The following PDE1C variants were observed in gnomAD, a reference collection of about 807,000 sequenced individuals.
PDE1C encodes phosphodiesterase 1C, also known as dual specificity calcium/calmodulin-dependent 3',5'-cyclic nucleotide phosphodiesterase 1C.
A neutral mutation model predicts 93.1 loss-of-function variants in PDE1C; 62 were observed. The ratio of observed to expected loss-of-function variants is 0.67; its 90% CI spans 0.54 to 0.82. PDE1C has a LOEUF of 0.82. Ranked by LOEUF, PDE1C falls within the 40% of genes least tolerant of loss-of-function variation. The probability of loss-of-function intolerance (pLI) is 0.00; values close to 1 mark genes in which losing one functional copy is unlikely to be tolerated. For synonymous variants in PDE1C, 325 were observed against 310.1 expected (o/e 1.05, Z -0.50); for missense variants, 742 against 884.6 (o/e 0.84, Z 2.04).
chr7:31,843,106 A>G (rs1273162728), intron 9 of PDE1C, among the ~76,000 whole-genome samples: 1 of 151,958 alleles, frequency 6.6e-6, no homozygotes, highest in East Asian at 1.9e-4. Flanking sequence ...TAAGCTTATG[A>G]TATTTTAAAA....
intron 2 of PDE1C, among the ~76,000 whole-genome samples, chr7:32,000,313 C>T (rs949458093): frequency 6.6e-6 from 1 of 152,056 alleles, no homozygotes; most frequent in Non-Finnish European, 1.5e-5. Flanking sequence ...TGGCATCTGG[C>T]GCATAGTGAG....
At chr7:32,122,571 C>G (rs947124827) in intron 3 of PDE1C, among the ~76,000 whole-genome samples, 1 of 152,094 alleles carries the variant, frequency 6.6e-6, no homozygotes, top group African/African-American at 2.4e-5. Flanking sequence ...TACTCAAAAC[C>G]ACACAATTAC....
intron 16 of PDE1C, among the ~76,000 whole-genome samples, chr7:31,808,815 T>G (rs1465831864): frequency 6.6e-6 from 1 of 151,788 alleles, no homozygotes; most frequent in African/African-American, 2.4e-5. Context: ...TAGAAAACAT[T>G]TGTGATGGAG....
chr7:32,131,965 C>T lies in PDE1C; in HGVS notation c.308+37820G>A, dbSNP rs551922606. Reference sequence around the variant, plus strand: ...CACTAGTAGTAGTAGTAGTAATGTGCAATGGCAAAAAGAAGGAAATGATTT... The same window carrying T: ...CACTAGTAGTAGTAGTAGTAATGTGTAATGGCAAAAAGAAGGAAATGATTT... On this transcript the variant is annotated intron_variant, in intron 3 of 18. Transcript: ENST00000396193. 8.9e-4 allele frequency among the ~76,000 whole-genome samples: 136 copies of T among 152,066 alleles called. 1 individual carries two copies. The highest frequency in any genetic ancestry group is 3.2e-3 in the African/African-American group (132 of 41,482).
At chr7:32,061,562 C>T (rs17160849) in intron 1 of PDE1C, among the ~76,000 whole-genome samples, 5,681 of 152,322 alleles carry the variant, frequency 0.037, 124 homozygotes, top group Middle Eastern at 0.085. Flanking sequence ...CTGCAGTGGG[C>T]TAGGCTCCAG....
intron 2 of PDE1C, among the ~76,000 whole-genome samples, chr7:31,900,306 T>G (rs1390725243): frequency 6.6e-6 from 1 of 152,124 alleles, no homozygotes; most frequent in Non-Finnish European, 1.5e-5. Flanking sequence ...AATTATTTTA[T>G]CAAATGCTTA....
chr7:31,854,595 G>T (rs1339984793), intron 7 of PDE1C, among the ~76,000 whole-genome samples: 2 of 152,198 alleles, frequency 1.3e-5, no homozygotes, highest in Admixed American at 6.5e-5. Flanking sequence ...GGCAGATGAG[G>T]AGACATGGGG....
the PDE1C span, among the ~76,000 whole-genome samples, chr7:31,644,306 A>G: frequency 3.9e-5 from 6 of 152,110 alleles, no homozygotes; most frequent in Non-Finnish European, 5.9e-5. Context: ...CTGTGTCTTA[A>G]ATTCGTTTAG....
At chr7:31,782,506 G>T (rs1487895714) in intron 16 of PDE1C, among the ~76,000 whole-genome samples, 1 of 152,206 alleles carries the variant, frequency 6.6e-6, no homozygotes, top group Non-Finnish European at 1.5e-5. Context: ...AAACATCACA[G>T]TCGCCTTCAT....
intron 8 of PDE1C, among the ~76,000 whole-genome samples, chr7:31,848,456 TATTTTA>T (rs1340344787): frequency 6.6e-6 from 1 of 152,166 alleles, no homozygotes; most frequent in Non-Finnish European, 1.5e-5. Flanking sequence ...TTTTTATTTT[TATTTTA>T]TTCAATGAAT....
chr7:32,244,417 G>T (rs1203522437), intron 1 of PDE1C, among the ~76,000 whole-genome samples: 1 of 152,298 alleles, frequency 6.6e-6, no homozygotes, highest in East Asian at 1.9e-4. Context: ...AGAACCAACT[G>T]CCCTGACCTA....
chr7:31,683,871 A>C, the PDE1C span, among the ~76,000 whole-genome samples: 1 of 152,204 alleles, frequency 6.6e-6, no homozygotes, highest in African/African-American at 2.4e-5. Context: ...GATTAAAGTG[A>C]AATATATTCA....
At chr7:32,264,711 T>G (rs1562631751) in intron 1 of PDE1C, among the ~76,000 whole-genome samples, 1 of 152,236 alleles carries the variant, frequency 6.6e-6, no homozygotes, top group African/African-American at 2.4e-5. Context: ...CTGGATTCGG[T>G]GCCCACATTG....
chr7:31,658,307 T>C, the PDE1C span: 3 of 1,520,470 alleles, frequency 2.0e-6, no homozygotes, highest in South Asian at 1.2e-5. Flanking sequence ...CCCTTTTTTT[T>C]TTCTTCAAAA....
intron 3 of PDE1C, among the ~76,000 whole-genome samples, chr7:32,110,544 G>A (rs1455670531): frequency 6.6e-6 from 1 of 152,120 alleles, no homozygotes; most frequent in Non-Finnish European, 1.5e-5. Flanking sequence ...ACTCTAATAA[G>A]ATGCCAATGA....
At chr7:32,028,845 C>T (rs888142794) in intron 2 of PDE1C, among the ~76,000 whole-genome samples, 1 of 152,062 alleles carries the variant, frequency 6.6e-6, no homozygotes, top group Non-Finnish European at 1.5e-5. Flanking sequence ...TTCCCCATTC[C>T]TTCCCTTCCC....
intron 1 of PDE1C, among the ~76,000 whole-genome samples, chr7:32,390,752 T>C (rs1419746350): frequency 6.6e-6 from 1 of 151,642 alleles, no homozygotes; most frequent in Admixed American, 6.6e-5. Context: ...GAGGCTGAGG[T>C]GGAGGTGGGA....
At chr7:31,943,329 GC>G (rs1806103778) in intron 2 of PDE1C, among the ~76,000 whole-genome samples, 1 of 152,138 alleles carries the variant, frequency 6.6e-6, no homozygotes, top group Non-Finnish European at 1.5e-5. Context: ...CATGAGATTG[GC>G]CCTTGTCCTG....
intron 17 of PDE1C, among the ~76,000 whole-genome samples, chr7:31,775,116 T>C (rs746515383): frequency 2.6e-5 from 4 of 152,182 alleles, no homozygotes; most frequent in Non-Finnish European, 5.9e-5. Context: ...ACATGTGAGA[T>C]TGGGTCGAAC....
Sources: gnomAD v4.1 joint callset for allele counts (sites outside exome capture counted in the v4.1 genomes callset) on GRCh38, gnomAD v4.1.1 for gene constraint, MANE v1.5 for transcripts, NCBI Gene and HGNC (gene_info 2026-07-23, HGNC 2026-07-21) for gene names.